The following LRRC4 variants were observed in gnomAD, a reference collection of about 807,000 sequenced individuals.
LRRC4 encodes leucine rich repeat containing 4.
In LRRC4, 11 loss-of-function variants were observed where a neutral mutation model predicts 37.9. The observed-to-expected ratio is 0.29, with a 90% confidence interval of 0.18 to 0.48. LRRC4 has a LOEUF of 0.48. Ranked by LOEUF, LRRC4 falls within the 20% of genes least tolerant of loss-of-function variation. The pLI is 0.99. For synonymous variants in LRRC4, 404 were observed against 346.7 expected, an observed-to-expected ratio of 1.17 and a Z score of -1.84; for missense variants, 717 against 842.1, an observed-to-expected ratio of 0.85 and a Z score of 1.84.
Position 128,029,127 on chromosome 7 carries a change from G to GCCA in LRRC4, c.1511_1513dup (p.Val504dup). On this transcript the variant is annotated inframe_insertion, in exon 2 of 2. Coordinates refer to ENST00000249363, the MANE Select transcript of LRRC4 (RefSeq NM_022143.5). The surrounding 1 kb of genome is among the most constrained non-coding windows in gnomAD (Gnocchi z 4.2). ...GTCAGTGGTGTCTGTCGCGGGTACT[G>GCCA]CCACCTGCTTGGGCACACGGGTAGT... 6.2e-7 allele frequency: 1 copy of GCCA among 1,614,138 alleles called. No homozygotes were observed. Among genetic ancestry groups the GCCA allele is most frequent in the South Asian group, 1.1e-5 (1 of 91,082 alleles).
At chr7:128,031,670 G>T (rs1444195218), upstream of LRRC4, 3 of 146,360 alleles carry the variant, frequency 2.0e-5, no homozygotes, top group Non-Finnish European at 3.0e-5. Context: ...GGAGGAGCGC[G>T]CGGCGCCCGC....
chr7:128,030,834 C>A, intron 1 of LRRC4, 79 bp downstream of exon 1: 1 of 625,426 alleles, frequency 1.6e-6, no homozygotes, highest in Non-Finnish European at 2.6e-6. Context: ...GGTCTCCCAA[C>A]CCACCCTCAA....
chr7:128,028,983 C>G lies in LRRC4; in HGVS notation c.1658G>C (p.Arg553Pro), dbSNP rs773227394. Residue 553 changes from arginine (R) to proline (P), a missense_variant, in exon 2 of 2, where the codon CGG (arginine) becomes CCG (proline). Physicochemically the swap from Arg to Pro is moderately radical, Grantham distance 103. Coordinates refer to ENST00000249363, the MANE Select transcript of LRRC4 (RefSeq NM_022143.5). ...TGTGACTGTACTCCGCTGCTGGTGCCGCTTACGAAGTTTATAGAAGACAAT... is the reference window on the plus strand; with the variant it reads ...TGTGACTGTACTCCGCTGCTGGTGCGGCTTACGAAGTTTATAGAAGACAAT... ...MLIVFYKLRK[R>P]HQQRSTVTAA... The G allele has an allele frequency of 1.9e-6, 3 of 1,611,048 alleles. No homozygotes were observed. In the Admixed American group the frequency reaches 5.0e-5, roughly 27 times the overall value.
Position 128,029,454 on chromosome 7 carries a change from G to A in LRRC4, c.1187C>T (p.Ser396Phe), listed in dbSNP as rs1259581859. The A allele has an allele frequency of 1.2e-6, 2 of 1,614,194 alleles. No individual in the cohort carries two copies. Among genetic ancestry groups the A allele is most frequent in the Non-Finnish European group, 1.7e-6 (2 of 1,180,040 alleles). ...LPNGTVLSHA[S>F]RHPRISVLND... is the part of the protein sequence containing the mutation. ...GAGGACAGAGATCCTTGGGTGGCGG[G>A]AGGCGTGGCTGAGCACTGTCCCATT... The change falls in exon 2 of 2, where the codon TCC becomes TTC. Residue 396 changes from serine to phenylalanine, a missense_variant. This residue lies in a region of LRRC4 where 293 missense variants were observed against 268.3 expected (regional missense o/e 1.09). Coordinates refer to ENST00000249363, the MANE Select transcript of LRRC4 (RefSeq NM_022143.5). The surrounding 1 kb of genome is among the most constrained non-coding windows in gnomAD (Gnocchi z 4.2).
In LRRC4 at chr7:128,030,146, G is replaced by C; in HGVS notation, c.495C>G (p.Tyr165Ter). Residue 165 changes from tyrosine to a stop codon, truncating the protein, a stop_gained, in exon 2 of 2, where the codon TAC (tyrosine) becomes TAG (stop). Transcript: ENST00000249363. LOFTEE classifies it high-confidence loss of function. ...TGAGGGAGGGCACCCGGTTGAAGGCGTAAGAGGGGATGCTTTCGATGGGGT... is the reference window on the plus strand; with the variant it reads ...TGAGGGAGGGCACCCGGTTGAAGGCCTAAGAGGGGATGCTTTCGATGGGGT... Reference protein sequence around the residue: ...RNNPIESIPSYAFNRVPSLMR... With the variant: ...RNNPIESIPS The C allele has an allele frequency of 6.2e-7, 1 of 1,614,214 alleles. No individual in the cohort carries two copies. The highest frequency in any genetic ancestry group is 8.5e-7 in the Non-Finnish European group (1 of 1,180,042).
In LRRC4 at chr7:128,030,162, T is replaced by C; in HGVS notation, c.479A>G (p.Glu160Gly). The change falls in exon 2 of 2, where the codon GAA becomes GGA. Residue 160 changes from glutamate to glycine, a missense_variant. Glu to Gly is a moderately conservative substitution (Grantham distance 98). Around this residue, in one of 5 missense-constraint regions of LRRC4, gnomAD observed 138 missense variants for 261.0 expected, o/e 0.53. Transcript: ENST00000249363. The stretch of plus-strand genomic sequence containing the variant: ...GTTGAAGGCGTAAGAGGGGATGCTT[T>C]CGATGGGGTTGTTGCGAAGCCAGAG... ...RELWLRNNPI[E>G]SIPSYAFNRV... is the part of the protein sequence containing the mutation. 6.2e-7 allele frequency: 1 copy of C among 1,614,176 alleles called. No homozygotes were observed. The highest frequency in any genetic ancestry group is 8.5e-7 in the Non-Finnish European group (1 of 1,180,018).
chr7:128,030,629 C>T lies in LRRC4; in HGVS notation c.12G>A (p.Leu4=), dbSNP rs1006088956. Residue 4 remains leucine (L), a synonymous_variant, in exon 2 of 2, where the codon TTG becomes TTA. Coordinates refer to ENST00000249363, the MANE Select transcript of LRRC4 (RefSeq NM_022143.5). ...TGTGGTGGTGCACAGTTACCTGCCA[C>T]AAGAGCTTCATGGTGTGGCACGTTC... The part of the protein sequence containing the change: MKL[L]WQVTVHHHTW... 6.4e-7 allele frequency: 1 copy of T among 1,560,114 alleles called. No homozygotes were observed. Among genetic ancestry groups the T allele is most frequent in the Non-Finnish European group, 8.7e-7 (1 of 1,149,418 alleles).
rs1162460449 is a variant in LRRC4, at chr7:128,029,457, G to A, written c.1184C>T (p.Ala395Val). The change falls in exon 2 of 2, where the codon GCC becomes GTC. Residue 395 changes from alanine (A) to valine (V), a missense_variant. Transcript: ENST00000249363. This position sits in a 1 kb window ranked among gnomAD's most constrained non-coding sequence, Gnocchi z 4.2. ...LLPNGTVLSH[A>V]SRHPRISVLN... The stretch of plus-strand genomic sequence containing the variant: ...GACAGAGATCCTTGGGTGGCGGGAG[G>A]CGTGGCTGAGCACTGTCCCATTGGG... 6.2e-7 allele frequency: 1 copy of A among 1,614,194 alleles called. No individual in the cohort carries two copies. Among genetic ancestry groups the A allele is most frequent in the Admixed American group, 1.7e-5 (1 of 60,024 alleles).
At position 128,027,281 on chromosome 7, in the gene LRRC4, C is replaced by T. The variant is rs1176696147; in HGVS notation, c.*1398G>A. ...CAGAGATCTCTGCCTTCCCCACCCA[C>T]GCCCACCCTTTCTCTTCCACCTTCT... On this transcript the variant is annotated 3_prime_UTR_variant, in exon 2 of 2. Coordinates refer to ENST00000249363, the MANE Select transcript of LRRC4 (RefSeq NM_022143.5). 6.6e-6 allele frequency: 1 copy of T among 151,960 alleles called. No individual in the cohort carries two copies. Among genetic ancestry groups the T allele is most frequent in the African/African-American group, 2.4e-5 (1 of 41,242 alleles). The allele number at this position is 151,960 out of a possible 1,614,324, so 9.4% of individuals were successfully genotyped here. A position where few individuals can be genotyped will look rare whatever the true frequency, so the allele number is the denominator to read the frequency against.
rs1584748266 is a variant in LRRC4, at chr7:128,029,511, G to A, written c.1130C>T (p.Pro377Leu). 7.4e-6 allele frequency: 12 copies of A among 1,614,090 alleles called. No individual in the cohort carries two copies. Among genetic ancestry groups the A allele is most frequent in the South Asian group, 1.1e-5 (1 of 91,070 alleles). ...CAACCACTTCACGGAGGACATAGGGGGAGTCCGACACTTAAGTTCTGCCAT... is the reference window on the plus strand; with the variant it reads ...CAACCACTTCACGGAGGACATAGGGAGAGTCCGACACTTAAGTTCTGCCAT... ...GRMAELKCRT[P>L]PMSSVKWLLP... Residue 377 changes from proline (P) to leucine (L), a missense_variant, in exon 2 of 2, where the codon CCC (proline) becomes CTC (leucine). Physicochemically the swap from Pro to Leu is moderately conservative, Grantham distance 98. Transcript: ENST00000249363. This position sits in a 1 kb window ranked among gnomAD's most constrained non-coding sequence, Gnocchi z 4.2.
rs1554458737 is a variant in LRRC4 at position 128,027,140 on chromosome 7, G to C, written c.*1539C>G. ...CTCACATTACAATCAGTGTTCTTTT[G>C]TTGGCAATTCCCCTCCCCCACCCAT... On this transcript the variant is annotated 3_prime_UTR_variant, in exon 2 of 2. Transcript: ENST00000249363. The C allele has an allele frequency of 6.6e-6, 1 of 152,500 alleles. No homozygotes were observed. The highest frequency in any genetic ancestry group is 6.6e-5 in the Admixed American group (1 of 15,256). The allele number at this position is 152,500 out of a possible 1,614,324, so 9.4% of individuals were successfully genotyped here.
chr7:128,030,753 G>C lies in LRRC4; in HGVS notation c.-100-13C>G. On this transcript the variant is annotated splice_polypyrimidine_tract_variant and intron_variant, in intron 1 of 1. Coordinates refer to ENST00000249363, the MANE Select transcript of LRRC4 (RefSeq NM_022143.5). ...CTCCTCTTTCCATCTGGAGAAGGAG[G>C]TGGGGAGGGGGCGATTAGAGAGACG... The C allele has an allele frequency of 7.5e-7, 1 of 1,333,602 alleles. No individual in the cohort carries two copies. The highest frequency in any genetic ancestry group is 1.0e-6 in the Non-Finnish European group (1 of 981,468). The allele number at this position is 1,333,602 out of a possible 1,614,324, so 82.6% of individuals were successfully genotyped here.
At position 128,030,682 on chromosome 7, in the gene LRRC4, C is replaced by T. The variant is rs367744557; in HGVS notation, c.-42G>A. ...AATTCACCATCGCCTGGGATTTTGG[C>T]TCGGAAAGGAGAACCAGCCCTACCC... On this transcript the variant is annotated 5_prime_UTR_variant, in exon 2 of 2. Transcript: ENST00000249363. The T allele has an allele frequency of 1.3e-6, 2 of 1,522,722 alleles. No individual in the cohort carries two copies. Among genetic ancestry groups the T allele is most frequent in the Non-Finnish European group, 1.8e-6 (2 of 1,132,834 alleles). 94.3% of individuals were successfully genotyped at this position (1,522,722 alleles called of 1,614,324 possible). A position where few individuals can be genotyped will look rare whatever the true frequency, so the allele number is the denominator to read the frequency against.
chr7:128,031,439 T>C (rs1441370984), upstream of LRRC4: 1 of 151,488 alleles, frequency 6.6e-6, no homozygotes, highest in Non-Finnish European at 1.5e-5. Context: ...ATTGCGGTCG[T>C]GAGCTCGCGG....
Position 128,031,313 on chromosome 7 carries a change from GCTCTGCGGGCCGCCGC to G in LRRC4, c.-517_-502del, listed in dbSNP as rs2116988597. Reference sequence around the variant, plus strand: ...AAGTGCGCTCCGGCGGCCCCGGCCCGCTCTGCGGGCCGCCGCCGGAGGGAGTGCGGGGGCGCCCCGA... The same window carrying G: ...AAGTGCGCTCCGGCGGCCCCGGCCCGCGGAGGGAGTGCGGGGGCGCCCCGA... On this transcript the variant is annotated 5_prime_UTR_variant, in exon 1 of 2. Transcript: ENST00000249363. 6.6e-6 allele frequency among the ~76,000 whole-genome samples: 1 copy of G among 150,894 alleles called. No homozygotes were observed. Among genetic ancestry groups the G allele is most frequent in the South Asian group, 2.1e-4 (1 of 4,690 alleles).
At position 128,028,862 on chromosome 7, in the gene LRRC4, C is replaced by G. The variant is rs1341671655; in HGVS notation, c.1779G>C (p.Glu593Asp). The change falls in exon 2 of 2, where the codon GAG becomes GAC. Residue 593 changes from glutamate to aspartate, a missense_variant. Coordinates refer to ENST00000249363, the MANE Select transcript of LRRC4 (RefSeq NM_022143.5). ...ATAAPSGVSG[E>D]GAVVLPTIHD... ...GAATTGTGGGCAGCACTACTGCCCC[C>G]TCACCTGATACACCGGACGGAGCTG... 28 of 1,614,080 alleles carry G rather than the reference C, an allele frequency of 1.7e-5. No homozygotes were observed. Among genetic ancestry groups the G allele is most frequent in the Non-Finnish European group, 2.3e-5 (27 of 1,180,040 alleles).
chr7:128,030,637 TCATGGTGTGGCACGTTCATAATTCAC>T lies in LRRC4; in HGVS notation c.-23_3del, dbSNP rs754968709. ...TGCACAGTTACCTGCCACAAGAGCTTCATGGTGTGGCACGTTCATAATTCACCATCGCCTGGGATTTTGGCTCGGAA... is the reference window on the plus strand; with the variant it reads ...TGCACAGTTACCTGCCACAAGAGCTTCATCGCCTGGGATTTTGGCTCGGAA... On this transcript the variant is annotated start_lost and start_retained_variant and 5_prime_UTR_variant, in exon 2 of 2. Transcript: ENST00000249363. The T allele has an allele frequency of 1.9e-6, 3 of 1,556,840 alleles. No homozygotes were observed. The highest frequency in any genetic ancestry group is 2.6e-6 in the Non-Finnish European group (3 of 1,147,542).
At position 128,027,284 on chromosome 7, in the gene LRRC4, C is replaced by T. The variant is rs567031949; in HGVS notation, c.*1395G>A. 6.6e-6 allele frequency: 1 copy of T among 152,516 alleles called. No homozygotes were observed. The highest frequency in any genetic ancestry group is 2.1e-4 in the South Asian group (1 of 4,804). The allele number at this position is 152,516 out of a possible 1,614,324, so 9.4% of individuals were successfully genotyped here. ...AGATCTCTGCCTTCCCCACCCACGC[C>T]CACCCTTTCTCTTCCACCTTCTCCT... is the stretch of plus-strand genomic sequence containing the variant. On this transcript the variant is annotated 3_prime_UTR_variant, in exon 2 of 2. Coordinates refer to ENST00000249363, the MANE Select transcript of LRRC4 (RefSeq NM_022143.5).
chr7:128,028,847 C>T lies in LRRC4; in HGVS notation c.1794G>A (p.Leu598=). The change falls in exon 2 of 2, where the codon CTG becomes CTA. Residue 598 remains leucine, a synonymous_variant. Coordinates refer to ENST00000249363, the MANE Select transcript of LRRC4 (RefSeq NM_022143.5). The part of the protein sequence containing the change: ...SGVSGEGAVV[L]PTIHDHINYN... ...AGTTAATATGGTCATGAATTGTGGGCAGCACTACTGCCCCCTCACCTGATA... is the reference window on the plus strand; with the variant it reads ...AGTTAATATGGTCATGAATTGTGGGTAGCACTACTGCCCCCTCACCTGATA... 1.2e-6 allele frequency: 2 copies of T among 1,614,162 alleles called. No homozygotes were observed. The highest frequency in any genetic ancestry group is 1.1e-5 in the South Asian group (1 of 91,078).
Sources: allele counts gnomAD v4.1 joint callset (sites outside exome capture counted in the v4.1 genomes callset), GRCh38; gene constraint gnomAD v4.1.1; regional missense constraint gnomAD v4.1.1; non-coding constraint Gnocchi (gnomAD v3.1); transcripts MANE v1.5; gene names NCBI Gene and HGNC (gene_info 2026-07-23, HGNC 2026-07-21).